Variants in CLSTN1 observed in about 807,000 individuals in gnomAD.
CLSTN1 encodes the protein calsyntenin 1, also known as calsyntenin-1.
Under a neutral mutation model 108.3 loss-of-function variants are expected in CLSTN1, and 28 were observed. The ratio of observed to expected loss-of-function variants is 0.26; its 90% CI spans 0.19 to 0.35. The LOEUF (loss-of-function observed/expected upper bound fraction) is 0.35, where lower values mean the gene tolerates loss of function less well. Ranked by LOEUF, CLSTN1 falls within the 10% of genes least tolerant of loss-of-function variation. The pLI, the probability that CLSTN1 is intolerant of heterozygous loss-of-function variation, is 1.00. For synonymous variants in CLSTN1, 524 were observed against 534.9 expected (o/e 0.98, Z 0.28); for missense variants, 1,157 against 1,302.6 (o/e 0.89, Z 1.72).
chr1:9,799,936 G>A (rs867604778), intron 1 of CLSTN1, among the ~76,000 whole-genome samples: 10 of 152,032 alleles, frequency 6.6e-5, no homozygotes, highest in African/African-American at 7.2e-5. Flanking sequence ...GCAAGACTCC[G>A]TCTCAAAATA....
chr1:9,741,239 C>G lies in CLSTN1; in HGVS notation c.1374G>C (p.Trp458Cys). The G allele has an allele frequency of 6.2e-7, 1 of 1,611,754 alleles. No homozygotes were observed. Among genetic ancestry groups the G allele is most frequent in the Non-Finnish European group, 8.5e-7 (1 of 1,178,082 alleles). ...WKLNQVCDEEWHHYVLNVEFP... is the reference protein window; with the variant it reads ...WKLNQVCDEECHHYVLNVEFP... ...ATTCTACATTGAGGACGTAGTGGTG[C>G]CATTCCTCATCACAGACCTACAGAG... Residue 458 changes from tryptophan (W) to cysteine (C), a missense_variant, in exon 10 of 19, where the codon TGG becomes TGC. Physicochemically the swap from Trp to Cys is radical, Grantham distance 215. Transcript: ENST00000377298.
At chr1:9,783,042 C>T (rs925945264) in intron 1 of CLSTN1, among the ~76,000 whole-genome samples, 2 of 151,972 alleles carry the variant, frequency 1.3e-5, no homozygotes, top group Non-Finnish European at 1.5e-5. Flanking sequence ...GGACCCATGC[C>T]TAAGTCTCAC....
At chr1:9,789,230 G>A (rs1395998687) in intron 1 of CLSTN1, among the ~76,000 whole-genome samples, 2 of 151,346 alleles carry the variant, frequency 1.3e-5, no homozygotes, top group Admixed American at 6.7e-5. Context: ...TCTTTAGGGT[G>A]ATTGTATCTT....
At chr1:9,746,256 G>A (rs539160341) in intron 7 of CLSTN1, among the ~76,000 whole-genome samples, 1 of 152,094 alleles carries the variant, frequency 6.6e-6, no homozygotes, top group Non-Finnish European at 1.5e-5. Context: ...CATAAAAAAT[G>A]TTTTCCAACC....
At chr1:9,759,484 G>A (rs1347985346) in intron 2 of CLSTN1, among the ~76,000 whole-genome samples, 1 of 152,136 alleles carries the variant, frequency 6.6e-6, no homozygotes, top group Non-Finnish European at 1.5e-5. Flanking sequence ...GGGTTTCACC[G>A]CGTTAGCCAG....
chr1:9,785,075 C>G (rs866978698), intron 1 of CLSTN1, among the ~76,000 whole-genome samples: 1 of 151,628 alleles, frequency 6.6e-6, no homozygotes, highest in Non-Finnish European at 1.5e-5. Context: ...GCCACCACTC[C>G]CAGCTAATTT....
rs539378361 is a variant in CLSTN1, at chr1:9,823,203, T to C, written c.91+440A>G. Among the ~76,000 whole-genome samples, 7 of 152,250 alleles carry C rather than the reference T, an allele frequency of 4.6e-5. 1 individual carries two copies. In the South Asian group the frequency reaches 1.2e-3, roughly 27 times the overall value. ...GCGTGCACCCCCCGCCTGATGCACA[T>C]CTGAGCACACGTACACAGAGCATCT... On this transcript the variant is annotated intron_variant, in intron 1 of 18. Transcript: ENST00000377298. This position sits in a 1 kb window ranked among gnomAD's most constrained non-coding sequence, Gnocchi z 6.3.
chr1:9,814,550 G>A (rs1196924843), intron 1 of CLSTN1, among the ~76,000 whole-genome samples: 1 of 152,168 alleles, frequency 6.6e-6, no homozygotes, highest in Non-Finnish European at 1.5e-5. Flanking sequence ...CAAAGGACTA[G>A]AAAAAATAAT....
intron 2 of CLSTN1, among the ~76,000 whole-genome samples, chr1:9,768,090 A>G (rs893598914): frequency 3.9e-5 from 6 of 152,202 alleles, no homozygotes; most frequent in African/African-American, 1.2e-4. Flanking sequence ...CACACAGCCA[A>G]TAAGTAGCAG....
chr1:9,757,571 A>C (rs997537984), intron 2 of CLSTN1, among the ~76,000 whole-genome samples: 1 of 152,176 alleles, frequency 6.6e-6, no homozygotes, highest in Non-Finnish European at 1.5e-5. Context: ...TTGTTCTTGA[A>C]CTGAAAAAAA....
chr1:9,802,129 T>C (rs1654298969), intron 1 of CLSTN1, among the ~76,000 whole-genome samples: 2 of 152,210 alleles, frequency 1.3e-5, no homozygotes, highest in Admixed American at 1.3e-4. Context: ...ACAGAGCTAA[T>C]GAGCCGCAGA....
rs1259330892 is a variant in CLSTN1 at position 9,823,789 on chromosome 1, C to A, written c.-56G>T. 3.3e-6 allele frequency: 3 copies of A among 896,346 alleles called. No individual in the cohort carries two copies. The highest frequency in any genetic ancestry group is 1.0e-4 in the South Asian group (2 of 19,868). 55.5% of individuals were successfully genotyped at this position (896,346 alleles called of 1,614,324 possible). ...CGCGCGGGACGCCGAGCGGAGCTCT[C>A]GGAGCTCTCGGGGCTCTAGGGGCCT... On this transcript the variant is annotated 5_prime_UTR_variant, in exon 1 of 19. Coordinates refer to ENST00000377298, the MANE Select transcript of CLSTN1 (RefSeq NM_001009566.3). The surrounding 1 kb of genome is among the most constrained non-coding windows in gnomAD (Gnocchi z 6.3).
chr1:9,816,230 A>C (rs1654963808), intron 1 of CLSTN1, among the ~76,000 whole-genome samples: 1 of 152,214 alleles, frequency 6.6e-6, no homozygotes, highest in Non-Finnish European at 1.5e-5. Context: ...CCTTGAAGAC[A>C]TCATATTAAG....
chr1:9,782,787 A>G (rs1653308614), intron 1 of CLSTN1, among the ~76,000 whole-genome samples: 1 of 151,782 alleles, frequency 6.6e-6, no homozygotes, highest in Non-Finnish European at 1.5e-5. Flanking sequence ...CAAGCAGATC[A>G]CCTGAGGTCA....
chr1:9,804,381 A>G (rs890600872), intron 1 of CLSTN1, among the ~76,000 whole-genome samples: 5 of 144,944 alleles, frequency 3.4e-5, no homozygotes, highest in Non-Finnish European at 6.0e-5. Context: ...AAAAAAAAAA[A>G]GGCGAGGGTA....
intron 10 of CLSTN1, among the ~76,000 whole-genome samples, chr1:9,738,203 C>T (rs1286944110): frequency 6.6e-6 from 1 of 152,186 alleles, no homozygotes; most frequent in East Asian, 1.9e-4. Context: ...TACGGTGGAC[C>T]TGGGGACCCT....
chr1:9,769,952 C>G lies in CLSTN1; in HGVS notation c.214+3320G>C, dbSNP rs188511417. On this transcript the variant is annotated intron_variant, in intron 2 of 18. Coordinates refer to ENST00000377298, the MANE Select transcript of CLSTN1 (RefSeq NM_001009566.3). ...GGCTGAGGCAGGAGAATGGCGTGAA[C>G]CCGGGAGGCAGAGCTTGCAGTGAGC... 2.8e-4 allele frequency among the ~76,000 whole-genome samples: 42 copies of G among 151,004 alleles called. No homozygotes were observed. The East Asian group carries it at 8.0e-3, about 29-fold the overall frequency.
chr1:9,778,223 AACACACAC>A (rs57372437), intron 1 of CLSTN1, among the ~76,000 whole-genome samples: 1,527 of 134,480 alleles, frequency 0.011, 26 homozygotes, highest in African/African-American at 0.035. Context: ...TCTCCTCCCC[AACACACAC>A]ACACACACAC....
intron 1 of CLSTN1, among the ~76,000 whole-genome samples, chr1:9,810,152 AGGAG>A (rs1654685149): frequency 5.0e-4 from 1 of 1,990 alleles, no homozygotes; most frequent in Admixed American, 7.0e-3. Flanking sequence ...AAGGAGGGGA[AGGAG>A]GGGAGGAAGG....
Sources: allele counts gnomAD v4.1 joint callset (sites outside exome capture counted in the v4.1 genomes callset), GRCh38; gene constraint gnomAD v4.1.1; non-coding constraint Gnocchi (gnomAD v3.1); transcripts MANE v1.5; gene names NCBI Gene and HGNC (gene_info 2026-07-23, HGNC 2026-07-21).